Variants in GARIN2 observed in about 807,000 individuals in gnomAD.
GARIN2 encodes Golgi-associated RAB2 interactor protein 2.
At chr14:67,206,322 AC>A in the GARIN2 span, among the ~76,000 whole-genome samples, 1 of 151,832 alleles carries the variant, frequency 6.6e-6, no homozygotes, top group South Asian at 2.1e-4. Flanking sequence ...ACATGGCAAA[AC>A]CCTGTCTCTA....
chr14:67,210,245 G>T, the GARIN2 span, among the ~76,000 whole-genome samples: 2 of 152,136 alleles, frequency 1.3e-5, no homozygotes, highest in African/African-American at 4.8e-5. Context: ...TGTCGATTTC[G>T]TGAAACAACA....
chr14:67,203,158 G>A, the GARIN2 span: 1 of 1,613,832 alleles, frequency 6.2e-7, no homozygotes, highest in East Asian at 2.2e-5. Flanking sequence ...GTAGGCATCT[G>A]TTTTTCCAGC....
the GARIN2 span, among the ~76,000 whole-genome samples, chr14:67,212,334 C>T: frequency 2.0e-5 from 3 of 151,844 alleles, no homozygotes; most frequent in Admixed American, 2.0e-4. Context: ...GGGCCAGGCG[C>T]AGTGTCTCAC....
the GARIN2 span, among the ~76,000 whole-genome samples, chr14:67,226,561 A>G: frequency 6.6e-6 from 1 of 152,106 alleles, no homozygotes; most frequent in Admixed American, 6.5e-5. Flanking sequence ...GGGTTTCACC[A>G]TGTTGGCCAG....
chr14:67,193,779 C>CA, the GARIN2 span, among the ~76,000 whole-genome samples: 889 of 88,792 alleles, frequency 0.01, 4 homozygotes, highest in South Asian at 0.026. Context: ...CCAATTTCTA[C>CA]AAAAAAAAAA....
the GARIN2 span, among the ~76,000 whole-genome samples, chr14:67,193,954 C>CAAAAAAACAACAAA: frequency 3.5e-5 from 3 of 85,750 alleles, no homozygotes; most frequent in Middle Eastern, 6.3e-3. Flanking sequence ...CAAAAAAAAA[C>CAAAAAAACAACAAA]AAAAAAAAAA....
the GARIN2 span, among the ~76,000 whole-genome samples, chr14:67,227,907 C>T: frequency 2.6e-5 from 4 of 152,094 alleles, no homozygotes; most frequent in South Asian, 2.1e-4. Context: ...CGGTGGCTCA[C>T]GCCTATAATC....
At chr14:67,202,126 T>G in the GARIN2 span, among the ~76,000 whole-genome samples, 1 of 152,292 alleles carries the variant, frequency 6.6e-6, no homozygotes, top group African/African-American at 2.4e-5. Context: ...AAGTCAGTTG[T>G]TAAACACAGC....
At chr14:67,195,705 C>A in the GARIN2 span, among the ~76,000 whole-genome samples, 1 of 138,078 alleles carries the variant, frequency 7.2e-6, no homozygotes, top group Non-Finnish European at 1.5e-5. Flanking sequence ...TTAATGCTTT[C>A]TTTTTGGTTG....
At chr14:67,191,125 T>G in the GARIN2 span, among the ~76,000 whole-genome samples, 1 of 152,020 alleles carries the variant, frequency 6.6e-6, no homozygotes, top group Non-Finnish European at 1.5e-5. Flanking sequence ...TCCCAGCTAC[T>G]CAGGAGGCTG....
chr14:67,198,675 G>A, the GARIN2 span, among the ~76,000 whole-genome samples: 1 of 152,164 alleles, frequency 6.6e-6, no homozygotes, highest in Non-Finnish European at 1.5e-5. Flanking sequence ...GAACATCTAT[G>A]ACTAGGGATT....
chr14:67,206,353 C>T, the GARIN2 span, among the ~76,000 whole-genome samples: 4 of 151,554 alleles, frequency 2.6e-5, no homozygotes, highest in Admixed American at 6.6e-5. Context: ...AAAAATTAGC[C>T]GGTGTGGTAG....
the GARIN2 span, among the ~76,000 whole-genome samples, chr14:67,191,971 C>G: frequency 3.1e-3 from 472 of 152,282 alleles, no homozygotes; most frequent in South Asian, 6.0e-3. Flanking sequence ...ACTTGAAAAA[C>G]AAGAGAAAGG....
chr14:67,216,348 T>C, the GARIN2 span, among the ~76,000 whole-genome samples: 1 of 152,124 alleles, frequency 6.6e-6, no homozygotes, highest in Non-Finnish European at 1.5e-5. Context: ...CCTCATAGAA[T>C]GAGTTAATCA....
At chr14:67,223,628 A>G in the GARIN2 span, 4 of 707,326 alleles carry the variant, frequency 5.7e-6, no homozygotes, top group Non-Finnish European at 6.9e-6. Context: ...GGGTGGCACA[A>G]CTTACAAAAT....
At chr14:67,219,127 G>A in the GARIN2 span, among the ~76,000 whole-genome samples, 1 of 152,212 alleles carries the variant, frequency 6.6e-6, no homozygotes, top group Non-Finnish European at 1.5e-5. Context: ...TGCATACCTT[G>A]TGCTCTTAAC....
chr14:67,220,558 C>T, the GARIN2 span, among the ~76,000 whole-genome samples: 1,268 of 152,124 alleles, frequency 8.3e-3, 7 homozygotes, highest in South Asian at 0.018. Flanking sequence ...ATGTTGGAAA[C>T]TTAAACTTAT....
At chr14:67,220,245 G>A in the GARIN2 span, among the ~76,000 whole-genome samples, 1 of 152,016 alleles carries the variant, frequency 6.6e-6, no homozygotes, top group African/African-American at 2.4e-5. Context: ...AGACCACCCT[G>A]GGCAATATGT....
At chr14:67,203,209 T>C in the GARIN2 span, 4 of 1,613,908 alleles carry the variant, frequency 2.5e-6, no homozygotes, top group South Asian at 4.4e-5. Flanking sequence ...CTGGCCCATC[T>C]GACACCTGGT....
Sources: gnomAD v4.1 joint callset for allele counts (sites outside exome capture counted in the v4.1 genomes callset) on GRCh38, gnomAD v4.1.1 for gene constraint, MANE v1.5 for transcripts, NCBI Gene and HGNC (gene_info 2026-07-23, HGNC 2026-07-21) for gene names.